The following NKAIN2 variants were observed in gnomAD, a reference collection of about 807,000 sequenced individuals.
NKAIN2 encodes the protein sodium/potassium transporting ATPase interacting 2.
NKAIN2 carries 14 observed loss-of-function variants against 32.6 expected under a neutral mutation model. The observed-to-expected ratio is 0.43, with a 90% confidence interval of 0.28 to 0.67. The LOEUF (loss-of-function observed/expected upper bound fraction) is 0.67. Ranked by LOEUF, NKAIN2 falls within the 30% of genes least tolerant of loss-of-function variation. The pLI is 0.17. For synonymous variants in NKAIN2, 80 were observed against 87.2 expected (o/e 0.92, Z 0.46); for missense variants, 198 against 258.3 (o/e 0.77, Z 1.60).
intron 4 of NKAIN2, among the ~76,000 whole-genome samples, chr6:124,669,787 G>A (rs1177747193): frequency 4.0e-5 from 6 of 151,474 alleles, no homozygotes; most frequent in South Asian, 2.1e-4. Flanking sequence ...CTCCACCTCC[G>A]TTTCTCACAT....
At chr6:124,725,138 T>C (rs556807645) in intron 4 of NKAIN2, among the ~76,000 whole-genome samples, 205 of 152,358 alleles carry the variant, frequency 1.3e-3, no homozygotes, top group Non-Finnish European at 2.3e-3. Flanking sequence ...TCATGTTAAG[T>C]AGCTGCTTTG....
At chr6:124,057,483 T>G (rs949193064) in intron 1 of NKAIN2, among the ~76,000 whole-genome samples, 1 of 151,992 alleles carries the variant, frequency 6.6e-6, no homozygotes, top group African/African-American at 2.4e-5. Context: ...AAAGTATATA[T>G]TTTTCGAAAT....
chr6:123,983,842 A>G (rs1169474130), intron 1 of NKAIN2, among the ~76,000 whole-genome samples: 17 of 152,022 alleles, frequency 1.1e-4, no homozygotes, highest in Admixed American at 1.1e-3. Context: ...GTTTTATTCT[A>G]TTTTTATAAA....
At chr6:124,642,267 T>TTC (rs1784021631) in intron 3 of NKAIN2, among the ~76,000 whole-genome samples, 1 of 152,198 alleles carries the variant, frequency 6.6e-6, no homozygotes, top group Non-Finnish European at 1.5e-5. Context: ...AAACCATACT[T>TTC]TCTCAGCTGT....
At chr6:124,136,733 T>C (rs983783342) in intron 1 of NKAIN2, among the ~76,000 whole-genome samples, 3 of 152,064 alleles carry the variant, frequency 2.0e-5, no homozygotes, top group Admixed American at 6.5e-5. Flanking sequence ...ATACATCACA[T>C]AAACAGAATT....
intron 1 of NKAIN2, among the ~76,000 whole-genome samples, chr6:123,833,376 CCT>C (rs1451102643): frequency 6.6e-6 from 1 of 151,860 alleles, no homozygotes; most frequent in Non-Finnish European, 1.5e-5. Flanking sequence ...TGGTGTCAGT[CCT>C]CTCATCTTCA....
At chr6:124,121,363 C>G (rs1021101581) in intron 1 of NKAIN2, among the ~76,000 whole-genome samples, 1 of 151,824 alleles carries the variant, frequency 6.6e-6, no homozygotes, top group Non-Finnish European at 1.5e-5. Flanking sequence ...ATATCACCAC[C>G]CATAATTGAT....
chr6:124,361,599 C>A (rs1799291218), intron 3 of NKAIN2, among the ~76,000 whole-genome samples: 1 of 152,000 alleles, frequency 6.6e-6, no homozygotes, highest in Non-Finnish European at 1.5e-5. Context: ...CATTTAGAAG[C>A]AACTCCTAGA....
intron 3 of NKAIN2, among the ~76,000 whole-genome samples, chr6:124,598,720 C>A (rs1331743303): frequency 6.6e-6 from 1 of 151,382 alleles, no homozygotes; most frequent in Non-Finnish European, 1.5e-5. Context: ...AACACTAAAG[C>A]CCATAGCACT....
chr6:124,256,445 A>G (rs1284479898), intron 1 of NKAIN2, among the ~76,000 whole-genome samples: 2 of 152,178 alleles, frequency 1.3e-5, no homozygotes, highest in East Asian at 3.9e-4. Context: ...TAACCCAGGA[A>G]ACAGATGTAA....
At chr6:124,661,898 T>TCAGA (rs1554246650) in intron 4 of NKAIN2, among the ~76,000 whole-genome samples, 1 of 151,648 alleles carries the variant, frequency 6.6e-6, no homozygotes, top group Non-Finnish European at 1.5e-5. Context: ...TCGGATCCTT[T>TCAGA]CAATGTGTGA....
intron 4 of NKAIN2, among the ~76,000 whole-genome samples, chr6:124,692,879 T>C (rs1774326394): frequency 6.6e-6 from 1 of 152,148 alleles, no homozygotes; most frequent in African/African-American, 2.4e-5. Context: ...TCCAGTAGTA[T>C]CACAAGACGA....
At chr6:124,347,748 C>T (rs1798504513) in intron 2 of NKAIN2, among the ~76,000 whole-genome samples, 1 of 152,084 alleles carries the variant, frequency 6.6e-6, no homozygotes, top group Non-Finnish European at 1.5e-5. Flanking sequence ...AAATTTTTTT[C>T]CAAGTTTTCA....
At chr6:123,894,772 G>C (rs1301564995) in intron 1 of NKAIN2, among the ~76,000 whole-genome samples, 1 of 152,010 alleles carries the variant, frequency 6.6e-6, no homozygotes, top group African/African-American at 2.4e-5. Context: ...AGGGGCAGGG[G>C]ATGAAGGAGG....
At chr6:124,487,051 G>A (rs1400628464) in intron 3 of NKAIN2, among the ~76,000 whole-genome samples, 2 of 152,062 alleles carry the variant, frequency 1.3e-5, no homozygotes, top group Non-Finnish European at 2.9e-5. Flanking sequence ...CCCTAACCTG[G>A]GAAGTTAAGG....
At chr6:123,954,525 G>A (rs978909214) in intron 1 of NKAIN2, among the ~76,000 whole-genome samples, 10 of 152,138 alleles carry the variant, frequency 6.6e-5, no homozygotes, top group South Asian at 2.1e-4. Context: ...TCACCTCTGC[G>A]TAGGATTCCA....
chr6:124,384,279 T>C, intron 3 of NKAIN2, among the ~76,000 whole-genome samples: 1 of 152,148 alleles, frequency 6.6e-6, no homozygotes, highest in Admixed American at 6.6e-5. Context: ...GAAGTCAATA[T>C]GTTATCTGAG....
At chr6:124,671,777 C>T (rs1379768796) in intron 4 of NKAIN2, among the ~76,000 whole-genome samples, 3 of 152,048 alleles carry the variant, frequency 2.0e-5, no homozygotes, top group Non-Finnish European at 4.4e-5. Context: ...AAAATCTCTT[C>T]GTTCTCTTAA....
intron 3 of NKAIN2, among the ~76,000 whole-genome samples, chr6:124,600,133 A>G (rs1343010427): frequency 2.0e-5 from 3 of 152,100 alleles, no homozygotes. Context: ...CAGCTGCAAT[A>G]TGACTGCACA....
Sources: gnomAD v4.1 joint callset for allele counts (sites outside exome capture counted in the v4.1 genomes callset) on GRCh38, gnomAD v4.1.1 for gene constraint, MANE v1.5 for transcripts, NCBI Gene and HGNC (gene_info 2026-07-23, HGNC 2026-07-21) for gene names.